Variants in TBXAS1 observed in about 807,000 individuals in gnomAD.
The protein encoded by TBXAS1 is thromboxane A synthase 1, also known as thromboxane-A synthase.
In TBXAS1, 48 loss-of-function variants were observed where a neutral mutation model predicts 60.7. That is an observed-to-expected ratio of 0.79 (90% confidence interval 0.63 to 1.01). The LOEUF is 1.01. Among genes scored for constraint, TBXAS1 ranks in the 50% least tolerant of loss-of-function variants. The pLI, the probability that TBXAS1 is intolerant of heterozygous loss-of-function variation, is 0.00. For synonymous variants in TBXAS1, 287 were observed against 269.7 expected (o/e 1.06, Z -0.63); for missense variants, 685 against 686.3 (o/e 1.00, Z 0.02).
At chr7:139,947,752 G>A (rs1808853339) in intron 5 of TBXAS1, among the ~76,000 whole-genome samples, 1 of 152,158 alleles carries the variant, frequency 6.6e-6, no homozygotes. Context: ...AATGTGAGAG[G>A]CGAGAGGAAC....
intron 10 of TBXAS1, 70 bp from the exon 11 acceptor site, chr7:140,015,653 G>A: frequency 1.3e-6 from 2 of 1,575,842 alleles, no homozygotes; most frequent in Admixed American, 1.7e-5. Flanking sequence ...GACTCTGCCT[G>A]CCCAGCACGC....
chr7:140,014,448 T>C (rs1361205493), intron 10 of TBXAS1, among the ~76,000 whole-genome samples: 1 of 151,888 alleles, frequency 6.6e-6, no homozygotes, highest in Non-Finnish European at 1.5e-5. Flanking sequence ...ATAATGGAAG[T>C]TGAATCTGGG....
At chr7:140,002,235 C>T (rs949219700) in intron 9 of TBXAS1, among the ~76,000 whole-genome samples, 1 of 152,232 alleles carries the variant, frequency 6.6e-6, no homozygotes, top group Non-Finnish European at 1.5e-5. Context: ...CCTCAATGGA[C>T]AGAGCCTCCT....
chr7:139,989,450 A>AT (rs1812735006), intron 9 of TBXAS1, among the ~76,000 whole-genome samples: 1 of 152,234 alleles, frequency 6.6e-6, no homozygotes, highest in South Asian at 2.1e-4. Context: ...GTCTAACGAC[A>AT]TCGTGAGCGT....
chr7:139,956,652 C>T (rs1197749103), intron 7 of TBXAS1, among the ~76,000 whole-genome samples: 1 of 152,258 alleles, frequency 6.6e-6, no homozygotes, highest in African/African-American at 2.4e-5. Flanking sequence ...AGCCCGTCAC[C>T]TCACTGGCTC....
chr7:139,999,428 G>A lies in TBXAS1; in HGVS notation c.1135-7663G>A, dbSNP rs1208491620. ...AATTCCAGCTACTTGGGAGGCTGAC[G>A]CATGAGACTCGCTTGAACCCGGGAG... On this transcript the variant is annotated intron_variant, in intron 9 of 12. Transcript: ENST00000448866. The surrounding 1 kb of genome is among the most constrained non-coding windows in gnomAD (Gnocchi z 4.3). Among the ~76,000 whole-genome samples, 11 of 152,168 alleles carry A rather than the reference G, an allele frequency of 7.2e-5. No individual in the cohort carries two copies. The highest frequency in any genetic ancestry group is 1.3e-4 in the Admixed American group (2 of 15,272).
At chr7:139,984,188 G>T (rs1812167802) in intron 9 of TBXAS1, among the ~76,000 whole-genome samples, 1 of 152,252 alleles carries the variant, frequency 6.6e-6, no homozygotes, top group African/African-American at 2.4e-5. Flanking sequence ...GTTTAAAGGG[G>T]ATAATAATAG....
upstream of TBXAS1, among the ~76,000 whole-genome samples, chr7:139,826,582 C>T (rs1446337393): frequency 1.3e-5 from 2 of 152,126 alleles, no homozygotes; most frequent in Non-Finnish European, 2.9e-5. Context: ...TGATGGCTTC[C>T]ACGTTTGAAT....
chr7:139,888,744 AAAG>A (rs768277431), intron 3 of TBXAS1, among the ~76,000 whole-genome samples: 3 of 152,174 alleles, frequency 2.0e-5, no homozygotes, highest in African/African-American at 7.2e-5. Flanking sequence ...GCTGAGATAG[AAAG>A]AAGAAGAGTA....
At chr7:139,829,572 TTTC>T in intron 1 of TBXAS1, 93 bp downstream of exon 1, 2 of 1,147,168 alleles carry the variant, frequency 1.7e-6, no homozygotes, top group Non-Finnish European at 1.3e-6. Flanking sequence ...GGAGTGTGTT[TTTC>T]TTCTTTTCTA....
intron 3 of TBXAS1, among the ~76,000 whole-genome samples, chr7:139,783,750 C>T (rs1488518624): frequency 6.6e-6 from 1 of 152,190 alleles, no homozygotes; most frequent in Non-Finnish European, 1.5e-5. Context: ...GGTTTCCTCC[C>T]ACTGACATGA....
At chr7:139,782,293 A>G (rs1276908022) in intron 2 of TBXAS1, among the ~76,000 whole-genome samples, 1 of 152,138 alleles carries the variant, frequency 6.6e-6, no homozygotes, top group Non-Finnish European at 1.5e-5. Flanking sequence ...AATAAAGGCA[A>G]GAAAACTGGA....
At chr7:139,935,028 G>GGAA (rs1214219663) in intron 4 of TBXAS1, among the ~76,000 whole-genome samples, 1 of 152,180 alleles carries the variant, frequency 6.6e-6, no homozygotes, top group Non-Finnish European at 1.5e-5. Context: ...TGACCAGGCT[G>GGAA]GTCTCGAACT....
chr7:139,953,658 G>C (rs1307656070), intron 6 of TBXAS1: 1 of 557,436 alleles, frequency 1.8e-6, no homozygotes, highest in Non-Finnish European at 3.2e-6. Context: ...CAGGGTACGT[G>C]CGTCCTGTCG....
At chr7:139,979,825 T>G (rs2117500477) in intron 9 of TBXAS1, among the ~76,000 whole-genome samples, 1 of 151,420 alleles carries the variant, frequency 6.6e-6, no homozygotes, top group African/African-American at 2.4e-5. Flanking sequence ...TTGTGTTTTT[T>G]GGGGTTTTTT....
chr7:139,827,683 C>G (rs568114872), upstream of TBXAS1, among the ~76,000 whole-genome samples: 1 of 152,260 alleles, frequency 6.6e-6, no homozygotes, highest in South Asian at 2.1e-4. Context: ...TTGGTAATGA[C>G]GAATTCTCTC....
At chr7:139,949,103 A>G (rs886697) in intron 5 of TBXAS1, among the ~76,000 whole-genome samples, 122,771 of 152,210 alleles carry the variant, frequency 0.81, 50,113 homozygotes, top group African/African-American at 0.94. Context: ...TCTAGTCAAA[A>G]GCACGTAGAA....
At chr7:139,996,171 T>G (rs1813274819) in intron 9 of TBXAS1, among the ~76,000 whole-genome samples, 1 of 151,604 alleles carries the variant, frequency 6.6e-6, no homozygotes, top group Non-Finnish European at 1.5e-5. Context: ...TTCACTATGT[T>G]GTCCAGGCTG....
intron 9 of TBXAS1, among the ~76,000 whole-genome samples, chr7:139,983,852 A>G (rs1812133784): frequency 1.3e-5 from 2 of 152,122 alleles, no homozygotes; most frequent in South Asian, 2.1e-4. Flanking sequence ...CTTCCTTCCA[A>G]TATTTTTATT....
Sources: allele counts gnomAD v4.1 joint callset (sites outside exome capture counted in the v4.1 genomes callset), GRCh38; gene constraint gnomAD v4.1.1; non-coding constraint Gnocchi (gnomAD v3.1); transcripts MANE v1.5; gene names NCBI Gene and HGNC (gene_info 2026-07-23, HGNC 2026-07-21).